Variants in BICC1 observed in about 807,000 individuals in gnomAD.
BICC1 encodes the protein BicC family RNA binding protein 1.
BICC1 carries 43 observed loss-of-function variants against 111.0 expected under a neutral mutation model. The ratio of observed to expected loss-of-function variants is 0.39; its 90% CI spans 0.30 to 0.50. BICC1 has a LOEUF of 0.50. BICC1 is among the 20% of genes least tolerant of loss of function. The pLI, the probability that BICC1 is intolerant of heterozygous loss-of-function variation, is 0.88. For missense variants in BICC1, 1,091 were observed against 1,203.2 expected (o/e 0.91, Z 1.38); for synonymous variants, 467 against 434.4 (o/e 1.07, Z -0.93).
At chr10:58,617,368 G>A (rs2132126070) in intron 1 of BICC1, among the ~76,000 whole-genome samples, 1 of 152,354 alleles carries the variant, frequency 6.6e-6, no homozygotes, top group African/African-American at 2.4e-5. Flanking sequence ...CTTAGCAGCA[G>A]AGTACACTGA....
chr10:58,754,282 G>C (rs1440674075), intron 3 of BICC1, among the ~76,000 whole-genome samples: 1 of 152,200 alleles, frequency 6.6e-6, no homozygotes, highest in African/African-American at 2.4e-5. Flanking sequence ...GAAATTTAGA[G>C]TGAATAACTT....
At position 58,607,085 on chromosome 10, in the gene BICC1, G is replaced by C. The variant is rs536989244; in HGVS notation, c.191-13770G>C. On this transcript the variant is annotated intron_variant, in intron 1 of 20. Transcript: ENST00000373886. ...TAATTCCAGCACTTTGGGAGGCCGAGGTGGGTGGATCAGCTGCGGTTGGGA... is the reference window on the plus strand; with the variant it reads ...TAATTCCAGCACTTTGGGAGGCCGACGTGGGTGGATCAGCTGCGGTTGGGA... 2.0e-5 allele frequency among the ~76,000 whole-genome samples: 3 copies of C among 152,214 alleles called. No individual in the cohort carries two copies. The South Asian group carries it at 6.2e-4, about 32-fold the overall frequency.
intron 10 of BICC1, among the ~76,000 whole-genome samples, chr10:58,797,821 A>C (rs556956681): frequency 2.3e-4 from 35 of 152,152 alleles, no homozygotes; most frequent in African/African-American, 7.9e-4. Flanking sequence ...CAACAACAAC[A>C]ACCAAAAAAA....
intron 1 of BICC1, among the ~76,000 whole-genome samples, chr10:58,523,456 A>G (rs1030268443): frequency 6.6e-6 from 1 of 152,246 alleles, no homozygotes; most frequent in Non-Finnish European, 1.5e-5. Context: ...CAAAAACCAT[A>G]TGATTATCTC....
intron 2 of BICC1, among the ~76,000 whole-genome samples, chr10:58,663,270 T>A (rs906283983): frequency 2.0e-5 from 3 of 152,156 alleles, no homozygotes; most frequent in Admixed American, 2.0e-4. Context: ...TTTCACCATG[T>A]TGACCAGGCT....
intron 2 of BICC1, among the ~76,000 whole-genome samples, chr10:58,634,922 C>T (rs2132187806): frequency 6.6e-6 from 1 of 152,186 alleles, no homozygotes; most frequent in East Asian, 1.9e-4. Context: ...GGAAGTGGAT[C>T]ATCATAAAGG....
intron 1 of BICC1, among the ~76,000 whole-genome samples, chr10:58,558,162 A>G (rs1273956219): frequency 3.9e-5 from 6 of 152,130 alleles, no homozygotes; most frequent in South Asian, 4.1e-4. Flanking sequence ...TTCTAAAACT[A>G]TGTGAGAGTT....
intron 2 of BICC1, among the ~76,000 whole-genome samples, chr10:58,689,076 GAA>G (rs1471556067): frequency 6.6e-6 from 1 of 152,038 alleles, no homozygotes; most frequent in African/African-American, 2.4e-5. Context: ...AAGAAAGAAA[GAA>G]AGGTTTTTGG....
At chr10:58,777,323 A>G (rs1481556583) in intron 3 of BICC1, among the ~76,000 whole-genome samples, 3 of 151,746 alleles carry the variant, frequency 2.0e-5, no homozygotes, top group African/African-American at 4.8e-5. Flanking sequence ...CTGAAGTTGA[A>G]AAGTCAGTGG....
intron 5 of BICC1, among the ~76,000 whole-genome samples, chr10:58,787,335 A>G (rs1477223362): frequency 6.6e-6 from 1 of 152,198 alleles, no homozygotes; most frequent in Non-Finnish European, 1.5e-5. Flanking sequence ...AATGGCCACA[A>G]AACAAAACCT....
intron 17 of BICC1, 137 bp downstream of exon 17, chr10:58,807,295 AAC>A: frequency 1.3e-6 from 1 of 759,962 alleles, no homozygotes; most frequent in Admixed American, 2.9e-5. Context: ...TATTCTTGTA[AAC>A]ACACTGTTAT....
intron 3 of BICC1, among the ~76,000 whole-genome samples, chr10:58,734,970 C>T (rs1023457211): frequency 1.3e-5 from 2 of 152,168 alleles, no homozygotes; most frequent in Non-Finnish European, 2.9e-5. Context: ...TTCATCCCCT[C>T]ACTAGTTGCC....
chr10:58,809,114 C>G (rs917715304), intron 17 of BICC1, among the ~76,000 whole-genome samples: 2 of 152,126 alleles, frequency 1.3e-5, no homozygotes, highest in African/African-American at 4.8e-5. Context: ...CCTGTGCCTC[C>G]CAGGTTCAAG....
intron 3 of BICC1, among the ~76,000 whole-genome samples, chr10:58,719,684 C>T (rs914134624): frequency 1.2e-4 from 19 of 152,136 alleles, no homozygotes; most frequent in African/African-American, 4.6e-4. Context: ...ATGTCAAAGA[C>T]CAGTATGTCT....
chr10:58,820,372 G>C lies in BICC1; in HGVS notation c.2698G>C (p.Asp900His). Residue 900 changes from aspartate to histidine, a missense_variant, in exon 20 of 21, where the codon GAT (aspartate) becomes CAT (histidine). Physicochemically the swap from Asp to His is moderately conservative, Grantham distance 81 (BLOSUM62 -1). Around this residue, in one of 3 missense-constraint regions of BICC1, gnomAD observed 231 missense variants for 256.2 expected, o/e 0.90. Coordinates refer to ENST00000373886, the MANE Select transcript of BICC1 (RefSeq NM_001080512.3). The part of the protein sequence containing the change: ...YTDVFQQQEI[D>H]LQTFLTLTDQ... ...AGATTGACCTTTCTACCCACAGATCGATCTTCAGACATTCCTCACTCTCAC... is the reference window on the plus strand; with the variant it reads ...AGATTGACCTTTCTACCCACAGATCCATCTTCAGACATTCCTCACTCTCAC... The C allele has an allele frequency of 6.2e-7, 1 of 1,608,398 alleles. No homozygotes were observed. Among genetic ancestry groups the C allele is most frequent in the Non-Finnish European group, 8.5e-7 (1 of 1,175,422 alleles).
At chr10:58,797,642 A>C (rs1843399294) in intron 10 of BICC1, among the ~76,000 whole-genome samples, 1 of 152,186 alleles carries the variant, frequency 6.6e-6, no homozygotes, top group Non-Finnish European at 1.5e-5. Flanking sequence ...AGATTCACTA[A>C]CTGAATTTTT....
chr10:58,701,947 C>A, intron 2 of BICC1, 127 bp from the exon 3 acceptor site: 33 of 585,688 alleles, frequency 5.6e-5, no homozygotes, highest in Middle Eastern at 9.2e-4. Context: ...GCATTGTTTT[C>A]AAATGAGATC....
intron 1 of BICC1, among the ~76,000 whole-genome samples, chr10:58,580,683 C>T (rs948521802): frequency 7.2e-5 from 11 of 152,148 alleles, no homozygotes; most frequent in African/African-American, 2.4e-4. Context: ...TGATTAATAA[C>T]TTCCATTTCC....
chr10:58,605,052 A>G (rs988790806), intron 1 of BICC1, among the ~76,000 whole-genome samples: 6 of 152,124 alleles, frequency 3.9e-5, no homozygotes, highest in African/African-American at 1.4e-4. Flanking sequence ...TCCTAATAGC[A>G]TTACCTTGGG....
Sources: allele counts gnomAD v4.1 joint callset (sites outside exome capture counted in the v4.1 genomes callset), GRCh38; gene constraint gnomAD v4.1.1; regional missense constraint gnomAD v4.1.1; transcripts MANE v1.5; gene names NCBI Gene and HGNC (gene_info 2026-07-23, HGNC 2026-07-21).